The following TRAPPC9 variants were observed in gnomAD, a reference collection of about 807,000 sequenced individuals.
The protein encoded by TRAPPC9 is IKK2 binding protein.
TRAPPC9 carries 83 observed loss-of-function variants against 124.0 expected under a neutral mutation model. The ratio of observed to expected loss-of-function variants is 0.67; its 90% CI spans 0.56 to 0.80. TRAPPC9 has a LOEUF of 0.80. Among genes scored for constraint, TRAPPC9 ranks in the 30% least tolerant of loss-of-function variants. TRAPPC9 has a pLI of 0.00. For synonymous variants in TRAPPC9, 638 were observed against 617.5 expected, an observed-to-expected ratio of 1.03 and a Z score of -0.49; for missense variants, 1,302 against 1,508.3, an observed-to-expected ratio of 0.86 and a Z score of 2.27.
chr8:140,142,304 C>T (rs999014436), intron 17 of TRAPPC9, among the ~76,000 whole-genome samples: 36 of 152,244 alleles, frequency 2.4e-4, no homozygotes, highest in Admixed American at 2.0e-3. Context: ...TAGAGGCACA[C>T]AATAGACAAT....
intron 17 of TRAPPC9, among the ~76,000 whole-genome samples, chr8:140,217,276 C>G (rs772433076): frequency 1.3e-5 from 2 of 152,178 alleles, no homozygotes; most frequent in African/African-American, 4.8e-5. Context: ...CCAGGCAAAA[C>G]AAGGACATCC....
intron 4 of TRAPPC9, among the ~76,000 whole-genome samples, chr8:140,427,410 C>T (rs1209186068): frequency 5.9e-5 from 9 of 151,892 alleles, no homozygotes; most frequent in East Asian, 1.9e-4. Flanking sequence ...CACACATACA[C>T]ACACAGAATA....
At chr8:139,893,380 C>A (rs1481355142) in intron 20 of TRAPPC9, among the ~76,000 whole-genome samples, 1 of 152,204 alleles carries the variant, frequency 6.6e-6, no homozygotes, top group Non-Finnish European at 1.5e-5. Context: ...CCCAACACAA[C>A]CATGCCCCTC....
At chr8:140,384,255 A>G (rs573770495) in intron 7 of TRAPPC9, among the ~76,000 whole-genome samples, 2 of 152,360 alleles carry the variant, frequency 1.3e-5, no homozygotes, top group African/African-American at 4.8e-5. Flanking sequence ...TGCATCAATT[A>G]ACGAGCAAAA....
In TRAPPC9 at chr8:140,151,316, T is replaced by A. The variant is rs77981999; in HGVS notation, c.2556+70143A>T. Among the ~76,000 whole-genome samples, 579 of 152,308 alleles carry A rather than the reference T, an allele frequency of 3.8e-3. 24 individuals are homozygous for A. In the East Asian group the frequency reaches 0.098, roughly 26 times the overall value. On this transcript the variant is annotated intron_variant, in intron 17 of 22. Transcript: ENST00000438773. ...CGTCCCATGGTGACTCTGACCCTGCTGAGCTTCCCTATGGGACATCCTTCC... is the reference window on the plus strand; with the variant it reads ...CGTCCCATGGTGACTCTGACCCTGCAGAGCTTCCCTATGGGACATCCTTCC...
chr8:140,335,275 T>C (rs2067004350), intron 9 of TRAPPC9, among the ~76,000 whole-genome samples: 1 of 151,798 alleles, frequency 6.6e-6, no homozygotes, highest in East Asian at 1.9e-4. Context: ...ATGTCAAGAG[T>C]CTACTGCACT....
At chr8:139,831,415 C>T (rs557793328) in intron 21 of TRAPPC9, among the ~76,000 whole-genome samples, 1 of 152,316 alleles carries the variant, frequency 6.6e-6, no homozygotes, top group South Asian at 2.1e-4. Flanking sequence ...ACAATTTATA[C>T]ACACACTCTT....
chr8:140,394,170 A>G (rs2069019722), intron 7 of TRAPPC9, among the ~76,000 whole-genome samples: 2 of 152,280 alleles, frequency 1.3e-5, no homozygotes, highest in Admixed American at 1.3e-4. Flanking sequence ...ATTGAGCAGC[A>G]TTAACTTGCA....
At chr8:139,743,988 C>T (rs1037317876) in intron 21 of TRAPPC9, among the ~76,000 whole-genome samples, 4 of 152,202 alleles carry the variant, frequency 2.6e-5, no homozygotes, top group African/African-American at 7.2e-5. Flanking sequence ...AGTGACCGTA[C>T]ACTCACAGCC....
In TRAPPC9 at chr8:140,451,293, G is replaced by A. The variant is rs141007597; in HGVS notation, c.81C>T (p.Ser27=). The stretch of plus-strand genomic sequence containing the variant: ...TATAGATCCTGAAGAAGTTCTCCTC[G>A]GAGACGATGCCCACAGGCTGGACCA... ...LVVVQPVGIV[S]EENFFRIYKR... is the part of the protein sequence containing the mutation. The change falls in exon 2 of 23, where the codon TCC becomes TCT. Residue 27 remains serine (S), a synonymous_variant. Transcript: ENST00000438773. 110 of 1,610,090 alleles carry A rather than the reference G, an allele frequency of 6.8e-5. No homozygotes were observed. The highest frequency in any genetic ancestry group is 2.7e-5 in the African/African-American group (2 of 75,064).
At chr8:140,366,496 G>A (rs1563977164) in intron 8 of TRAPPC9, among the ~76,000 whole-genome samples, 1 of 152,100 alleles carries the variant, frequency 6.6e-6, no homozygotes, top group Non-Finnish European at 1.5e-5. Context: ...TTCAATAAAT[G>A]GTGCTGAAAT....
chr8:140,208,995 G>A (rs186325701), intron 17 of TRAPPC9, among the ~76,000 whole-genome samples: 22 of 152,312 alleles, frequency 1.4e-4, no homozygotes, highest in Non-Finnish European at 2.5e-4. Context: ...CCAATCCCCC[G>A]TGTATACCAA....
rs571207784 is a variant in TRAPPC9, at chr8:139,980,245, C to T, written c.2810+8481G>A. ...TAAACGGGCCCAGCTACCAATGTTA[C>T]ACCTCGGACACAGTTCTCCATAGCG... On this transcript the variant is annotated intron_variant, in intron 19 of 22. Coordinates refer to ENST00000438773, the MANE Select transcript of TRAPPC9 (RefSeq NM_001160372.4). Among the ~76,000 whole-genome samples, 5 of 152,302 alleles carry T rather than the reference C, an allele frequency of 3.3e-5. No individual in the cohort carries two copies. The South Asian group carries it at 1.0e-3, about 32-fold the overall frequency.
intron 21 of TRAPPC9, among the ~76,000 whole-genome samples, chr8:139,784,608 CATATATATATAT>C (rs34583867): frequency 0.043 from 3,819 of 88,664 alleles, 264 homozygotes; most frequent in Admixed American, 0.15. Flanking sequence ...AAAAGACTGA[CATATATATATAT>C]ATATATATAT....
intron 19 of TRAPPC9, among the ~76,000 whole-genome samples, chr8:139,921,554 A>C (rs1273045006): frequency 2.6e-5 from 4 of 152,144 alleles, no homozygotes; most frequent in Admixed American, 2.6e-4. Context: ...AGCTTCAGGA[A>C]GAGCTGGAGA....
intron 17 of TRAPPC9, among the ~76,000 whole-genome samples, chr8:140,151,287 G>T (rs2061539531): frequency 6.6e-6 from 1 of 152,182 alleles, no homozygotes; most frequent in South Asian, 2.1e-4. Context: ...CAGGCCTGGG[G>T]TTCCGTCCCA....
At chr8:140,422,777 C>T (rs965944274) in intron 5 of TRAPPC9, among the ~76,000 whole-genome samples, 25 of 145,750 alleles carry the variant, frequency 1.7e-4, no homozygotes, top group Non-Finnish European at 3.2e-4. Context: ...AAAACTGTTA[C>T]AACTCAACAA....
At chr8:140,172,809 A>C (rs899924361) in intron 17 of TRAPPC9, among the ~76,000 whole-genome samples, 3 of 152,222 alleles carry the variant, frequency 2.0e-5, no homozygotes, top group Non-Finnish European at 4.4e-5. Flanking sequence ...CCAAATTTAT[A>C]GGGGAGAAAA....
chr8:140,240,343 C>G (rs1337540187), intron 16 of TRAPPC9, among the ~76,000 whole-genome samples: 2 of 152,176 alleles, frequency 1.3e-5, no homozygotes, highest in Non-Finnish European at 2.9e-5. Flanking sequence ...CCAGCAGCGT[C>G]CAATGGTGAC....
Sources: allele counts gnomAD v4.1 joint callset (sites outside exome capture counted in the v4.1 genomes callset), GRCh38; gene constraint gnomAD v4.1.1; transcripts MANE v1.5; gene names NCBI Gene and HGNC (gene_info 2026-07-23, HGNC 2026-07-21).